EML1: variants seen among roughly 807,000 people sequenced by gnomAD.
EML1 encodes the protein EMAP like 1, also known as echinoderm microtubule-associated protein-like 1.
EML1 carries 27 observed loss-of-function variants against 110.4 expected under a neutral mutation model. That is an observed-to-expected ratio of 0.24 (90% CI 0.18 to 0.34). EML1 has a LOEUF of 0.34. EML1 is among the 10% of genes least tolerant of loss of function. The pLI, the probability that EML1 is intolerant of heterozygous loss-of-function variation, is 1.00. For missense variants in EML1, 741 were observed against 1,030.9 expected, an observed-to-expected ratio of 0.72 and a Z score of 3.85; for synonymous variants, 344 against 385.8, an observed-to-expected ratio of 0.89 and a Z score of 1.27.
intron 1 of EML1, among the ~76,000 whole-genome samples, chr14:99,826,219 T>G (rs2058352658): frequency 6.6e-6 from 1 of 150,532 alleles, no homozygotes. Flanking sequence ...TTCAAGCAAT[T>G]CTCCTGCCTC....
intron 3 of EML1, among the ~76,000 whole-genome samples, chr14:99,870,505 C>T (rs1595407368): frequency 6.6e-6 from 1 of 152,124 alleles, no homozygotes; most frequent in African/African-American, 2.4e-5. Context: ...GATGAAACAG[C>T]GTTACATTGG....
At chr14:99,888,064 A>G (rs984462760) in intron 4 of EML1, among the ~76,000 whole-genome samples, 3 of 152,246 alleles carry the variant, frequency 2.0e-5, no homozygotes, top group African/African-American at 4.8e-5. Flanking sequence ...CTAAAATAAT[A>G]AAATGTAGCA....
intron 1 of EML1, among the ~76,000 whole-genome samples, chr14:99,746,872 G>C (rs564588449): frequency 6.4e-4 from 98 of 152,146 alleles, no homozygotes; most frequent in Admixed American, 3.9e-4. Flanking sequence ...CCTGGGGAGA[G>C]AAGCCCAAGT....
At chr14:99,931,890 G>A (rs1271844369) in intron 17 of EML1, among the ~76,000 whole-genome samples, 2 of 152,228 alleles carry the variant, frequency 1.3e-5, no homozygotes, top group East Asian at 1.9e-4. Context: ...CCGGGCAGTC[G>A]TCGCGGTCAA....
intron 17 of EML1, among the ~76,000 whole-genome samples, chr14:99,933,600 C>T (rs765971961): frequency 1.1e-4 from 17 of 152,360 alleles, no homozygotes; most frequent in Non-Finnish European, 1.8e-4. Context: ...CCCCTGGAGT[C>T]AGATTGCCTG....
intron 1 of EML1, among the ~76,000 whole-genome samples, chr14:99,838,027 C>T (rs1284768688): frequency 6.6e-6 from 1 of 152,132 alleles, no homozygotes; most frequent in African/African-American, 2.4e-5. Context: ...TCTTGAACTC[C>T]TGGGCTCAAC....
At chr14:99,772,582 A>G (rs1301109348), upstream of EML1, among the ~76,000 whole-genome samples, 1 of 152,188 alleles carries the variant, frequency 6.6e-6, no homozygotes, top group Non-Finnish European at 1.5e-5. Context: ...TGCTTTTGTC[A>G]ACTCTCCAAA....
chr14:99,885,452 C>G (rs1472327083), intron 4 of EML1, among the ~76,000 whole-genome samples: 1 of 152,198 alleles, frequency 6.6e-6, no homozygotes, highest in Non-Finnish European at 1.5e-5. Flanking sequence ...CCACAGACAT[C>G]TATGTGGTCC....
intron 1 of EML1, among the ~76,000 whole-genome samples, chr14:99,814,015 A>T (rs548366908): frequency 2.0e-5 from 3 of 152,292 alleles, no homozygotes; most frequent in Non-Finnish European, 4.4e-5. Context: ...TGCAAGCCCA[A>T]GATCTAAAAC....
rs376480022 is a variant in EML1 at position 99,901,869 on chromosome 14, T to C, written c.1008+830T>C. Among the ~76,000 whole-genome samples the C allele has an allele frequency of 1.7e-4, 26 of 152,286 alleles. No individual in the cohort carries two copies. In the East Asian group the frequency reaches 4.8e-3, roughly 28 times the overall value. ...CCACCTGGGAATGCAGCCCAGTAGG[T>C]CTCAGCCTCATTTTCCCCAGCCCCT... On this transcript the variant is annotated intron_variant, in intron 9 of 21. Transcript: ENST00000262233.
intron 1 of EML1, among the ~76,000 whole-genome samples, chr14:99,830,671 C>T (rs920568133): frequency 6.6e-6 from 1 of 152,144 alleles, no homozygotes; most frequent in African/African-American, 2.4e-5. Flanking sequence ...CTGCCTCAGC[C>T]TCCCAAGTAG....
intron 17 of EML1, among the ~76,000 whole-genome samples, chr14:99,933,122 A>ACT (rs376175709): frequency 5.2e-4 from 79 of 152,206 alleles, no homozygotes; most frequent in African/African-American, 1.9e-3. Context: ...ACAAAACAAA[A>ACT]CTAATGGTTC....
chr14:99,927,400 G>GT (rs1445954818), intron 17 of EML1, among the ~76,000 whole-genome samples: 2 of 152,122 alleles, frequency 1.3e-5, no homozygotes, highest in East Asian at 1.9e-4. Context: ...TTCCCATAAA[G>GT]TGATTGCTGG....
chr14:99,790,824 C>T (rs1270436878), upstream of EML1, among the ~76,000 whole-genome samples: 1 of 151,900 alleles, frequency 6.6e-6, no homozygotes, highest in East Asian at 1.9e-4. Context: ...TGGCCCCTCC[C>T]CCCATTTCCT....
At chr14:99,840,697 G>A (rs1003875465) in intron 1 of EML1, among the ~76,000 whole-genome samples, 4 of 152,144 alleles carry the variant, frequency 2.6e-5, no homozygotes, top group Non-Finnish European at 5.9e-5. Context: ...TTTAACCTCC[G>A]GGAATAGCAC....
intron 1 of EML1, among the ~76,000 whole-genome samples, chr14:99,798,655 G>C (rs908607453): frequency 2.6e-5 from 4 of 152,056 alleles, no homozygotes; most frequent in African/African-American, 9.7e-5. Flanking sequence ...GCCTCCCAAA[G>C]TGCTAGGATT....
At chr14:99,785,666 G>A (rs1467077043) in intron 1 of EML1, among the ~76,000 whole-genome samples, 1 of 152,182 alleles carries the variant, frequency 6.6e-6, no homozygotes, top group African/African-American at 2.4e-5. Context: ...TGAAGAGCTA[G>A]CATGTAAACA....
intron 17 of EML1, among the ~76,000 whole-genome samples, chr14:99,931,064 G>A (rs2140119481): frequency 6.6e-6 from 1 of 152,274 alleles, no homozygotes; most frequent in Middle Eastern, 3.4e-3. Context: ...CTGTGCTGAT[G>A]CAACCCCTGC....
At chr14:99,921,869 C>T (rs930135260) in intron 17 of EML1, among the ~76,000 whole-genome samples, 1 of 152,122 alleles carries the variant, frequency 6.6e-6, no homozygotes, top group Non-Finnish European at 1.5e-5. Context: ...TTTCATCATC[C>T]AAAAAGTTTC....
Sources: allele counts gnomAD v4.1 joint callset (sites outside exome capture counted in the v4.1 genomes callset), GRCh38; gene constraint gnomAD v4.1.1; transcripts MANE v1.5; gene names NCBI Gene and HGNC (gene_info 2026-07-23, HGNC 2026-07-21).